Variants in PCDHGA5 observed in about 807,000 individuals in gnomAD.
PCDHGA5 encodes protocadherin gamma-A5.
PCDHGA5 carries 36 observed loss-of-function variants against 56.7 expected under a neutral mutation model. That is an observed-to-expected ratio of 0.64 (90% CI 0.49 to 0.84). The LOEUF (loss-of-function observed/expected upper bound fraction) is 0.84. Ranked by LOEUF, PCDHGA5 falls within the 40% of genes least tolerant of loss-of-function variation. PCDHGA5 has a pLI of 0.00. For missense variants in PCDHGA5, 1,305 were observed against 1,201.5 expected (o/e 1.09, Z -1.27); for synonymous variants, 563 against 520.2 (o/e 1.08, Z -1.12).
At chr5:141,452,527 G>A (rs1164238830) in intron 1 of PCDHGA5, among the ~76,000 whole-genome samples, 1 of 152,156 alleles carries the variant, frequency 6.6e-6, no homozygotes, top group Non-Finnish European at 1.5e-5. Flanking sequence ...TCAAAATCGT[G>A]AGTTCATATT....
chr5:141,433,067 T>C, intron 1 of PCDHGA5: 3 of 1,614,144 alleles, frequency 1.9e-6, no homozygotes, highest in Non-Finnish European at 2.5e-6. Context: ...TCACCTGATC[T>C]TCCCCCAGCC....
chr5:141,423,246 G>A, intron 1 of PCDHGA5: 15 of 1,613,922 alleles, frequency 9.3e-6, no homozygotes, highest in Non-Finnish European at 1.3e-5. Context: ...CCGAAGTCCT[G>A]GCGGACCTCG....
Position 141,490,749 on chromosome 5 carries a change from C to T in PCDHGA5, c.2422-4058C>T, listed in dbSNP as rs777124697. 3.1e-6 allele frequency: 5 copies of T among 1,614,098 alleles called. No individual in the cohort carries two copies. The South Asian group carries it at 5.5e-5, about 18-fold the overall frequency. ...GAAATCAGGTTCAGGGAGCCCCAGC[C>T]TCCTCCTTTGTGTATGTCAACCCAG... On this transcript the variant is annotated intron_variant, in intron 1 of 3. Coordinates refer to ENST00000518069, the MANE Select transcript of PCDHGA5 (RefSeq NM_018918.3). The surrounding 1 kb of genome is among the most constrained non-coding windows in gnomAD (Gnocchi z 5.4).
intron 1 of PCDHGA5, among the ~76,000 whole-genome samples, chr5:141,469,187 G>T (rs147209381): frequency 5.9e-5 from 9 of 151,588 alleles, no homozygotes; most frequent in African/African-American, 1.9e-4. Context: ...GAGGCAAGAG[G>T]ATTGCTTGAG....
chr5:141,413,737 A>AC, intron 1 of PCDHGA5: 1 of 1,613,410 alleles, frequency 6.2e-7, no homozygotes, highest in Non-Finnish European at 8.5e-7. Flanking sequence ...AAGAGTTCAG[A>AC]GCCGTGCCAA....
chr5:141,413,785 C>T (rs771027783), intron 1 of PCDHGA5: 1 of 1,613,186 alleles, frequency 6.2e-7, no homozygotes, highest in Non-Finnish European at 8.5e-7. Flanking sequence ...GGAGCACTCC[C>T]TAGATCGCGA....
Position 141,490,004 on chromosome 5 carries a change from C to T in PCDHGA5, c.2422-4803C>T. On this transcript the variant is annotated intron_variant, in intron 1 of 3. Coordinates refer to ENST00000518069, the MANE Select transcript of PCDHGA5 (RefSeq NM_018918.3). This position sits in a 1 kb window ranked among gnomAD's most constrained non-coding sequence, Gnocchi z 5.4. ...CTACGTGTGGGAATCCCAGAGAATG[C>T]ACCCATTGGTACTCTGCTGCTCCGC... The T allele has an allele frequency of 1.9e-6, 3 of 1,614,174 alleles. No individual in the cohort carries two copies. Among genetic ancestry groups the T allele is most frequent in the Non-Finnish European group, 2.5e-6 (3 of 1,179,980 alleles).
intron 1 of PCDHGA5, chr5:141,389,736 G>A: frequency 6.2e-7 from 1 of 1,612,710 alleles, no homozygotes; most frequent in Non-Finnish European, 8.5e-7. Flanking sequence ...CTTCAGCCTG[G>A]GGCTGCGCAC....
Position 141,419,025 on chromosome 5 carries a change from G to T in PCDHGA5, c.2421+52274G>T, listed in dbSNP as rs2096315076. 6.2e-6 allele frequency: 10 copies of T among 1,613,736 alleles called. No homozygotes were observed. In the East Asian group the frequency reaches 2.0e-4, roughly 32 times the overall value. On this transcript the variant is annotated intron_variant, in intron 1 of 3. Transcript: ENST00000518069. ...GAAGTCAGGTGTAGCTTAAGTAGAG[G>T]TGTTCCATTTAAGATTCATTCTTCT...
intron 1 of PCDHGA5, chr5:141,389,455 G>A (rs1345301697): frequency 6.2e-7 from 1 of 1,613,044 alleles, no homozygotes; most frequent in Admixed American, 1.7e-5. Context: ...GAGCAGCTGC[G>A]CGCCTTCGAA....
chr5:141,446,854 C>T (rs1474444931), intron 1 of PCDHGA5, among the ~76,000 whole-genome samples: 1 of 152,134 alleles, frequency 6.6e-6, no homozygotes, highest in Non-Finnish European at 1.5e-5. Context: ...AATAAGCTTC[C>T]TGATAGCTCT....
rs2099629540 is a variant in PCDHGA5, at chr5:141,486,436, T to C, written c.2422-8371T>C. 2 of 1,614,188 alleles carry C rather than the reference T, an allele frequency of 1.2e-6. No individual in the cohort carries two copies. The highest frequency in any genetic ancestry group is 1.7e-6 in the Non-Finnish European group (2 of 1,180,020). On this transcript the variant is annotated intron_variant, in intron 1 of 3. Coordinates refer to ENST00000518069, the MANE Select transcript of PCDHGA5 (RefSeq NM_018918.3). This position sits in a 1 kb window ranked among gnomAD's most constrained non-coding sequence, Gnocchi z 5.0. ...TGGATCGAGAGGCCAAATCTAGCTA[T>C]GACATCATGGTCACTGCTTCTGATG... is the stretch of plus-strand genomic sequence containing the variant.
chr5:141,388,809 G>A lies in PCDHGA5; in HGVS notation c.2421+22058G>A, dbSNP rs771582173. The A allele has an allele frequency of 1.2e-6, 2 of 1,613,930 alleles. No individual in the cohort carries two copies. Among genetic ancestry groups the A allele is most frequent in the Non-Finnish European group, 1.7e-6 (2 of 1,179,838 alleles). ...TGTTTTAAATACATTAGATTTTGAA[G>A]AAGTCAAAGAATATTCCATAGTTTT... is the stretch of plus-strand genomic sequence containing the variant. On this transcript the variant is annotated intron_variant, in intron 1 of 3. Transcript: ENST00000518069.
At position 141,399,586 on chromosome 5, in the gene PCDHGA5, A is replaced by G. The variant is rs751097540; in HGVS notation, c.2421+32835A>G. The G allele has an allele frequency of 6.2e-6, 10 of 1,613,830 alleles. No individual in the cohort carries two copies. The East Asian group carries it at 1.3e-4, about 22-fold the overall frequency. Reference sequence around the variant, plus strand: ...GTTGAACGGCCAAGTCTCCTACTCTATCATGGCCAGCGACCTAGAGCCTCT... The same window carrying G: ...GTTGAACGGCCAAGTCTCCTACTCTGTCATGGCCAGCGACCTAGAGCCTCT... On this transcript the variant is annotated intron_variant, in intron 1 of 3. Coordinates refer to ENST00000518069, the MANE Select transcript of PCDHGA5 (RefSeq NM_018918.3).
At chr5:141,393,592 G>C in intron 1 of PCDHGA5, 1 of 1,613,908 alleles carries the variant, frequency 6.2e-7, no homozygotes, top group Non-Finnish European at 8.5e-7. Context: ...CCAGGCACGC[G>C]GCTGCTTACT....
intron 1 of PCDHGA5, among the ~76,000 whole-genome samples, chr5:141,459,221 G>A (rs1028895845): frequency 9.2e-5 from 14 of 152,154 alleles, no homozygotes; most frequent in African/African-American, 3.1e-4. Flanking sequence ...TCCAGCTCCA[G>A]GCAACAACTG....
intron 2 of PCDHGA5, among the ~76,000 whole-genome samples, chr5:141,502,829 C>A (rs1034808123): frequency 2.0e-5 from 3 of 150,428 alleles, no homozygotes; most frequent in African/African-American, 7.4e-5. Context: ...CTTGGGGAAG[C>A]CTGGACTGGC....
chr5:141,468,853 G>A (rs893773356), intron 1 of PCDHGA5, among the ~76,000 whole-genome samples: 7 of 151,000 alleles, frequency 4.6e-5, no homozygotes, highest in Admixed American at 6.6e-5. Context: ...GCAACAGAGC[G>A]AGACTCCATC....
At position 141,491,753 on chromosome 5, in the gene PCDHGA5, C is replaced by T. The variant is rs373728953; in HGVS notation, c.2422-3054C>T. On this transcript the variant is annotated intron_variant, in intron 1 of 3. Coordinates refer to ENST00000518069, the MANE Select transcript of PCDHGA5 (RefSeq NM_018918.3). The surrounding 1 kb of genome is among the most constrained non-coding windows in gnomAD (Gnocchi z 6.9). ...ACCCCTGGGGGCGGCACTGGAGAAGCCGCCCGTCCTCATAAGGGATTGAAC... is the reference window on the plus strand; with the variant it reads ...ACCCCTGGGGGCGGCACTGGAGAAGTCGCCCGTCCTCATAAGGGATTGAAC... 4 of 1,585,146 alleles carry T rather than the reference C, an allele frequency of 2.5e-6. No homozygotes were observed. Among genetic ancestry groups the T allele is most frequent in the East Asian group, 2.3e-5 (1 of 43,412 alleles).
Sources: gnomAD v4.1 joint callset for allele counts (sites outside exome capture counted in the v4.1 genomes callset) on GRCh38, gnomAD v4.1.1 for gene constraint, Gnocchi (gnomAD v3.1) non-coding constraint, MANE v1.5 for transcripts, NCBI Gene and HGNC (gene_info 2026-07-23, HGNC 2026-07-21) for gene names.